GABBR2: variants seen among roughly 807,000 people sequenced by gnomAD.
GABBR2 encodes gamma-aminobutyric acid type B receptor subunit 2.
Under a neutral mutation model 105.6 loss-of-function variants are expected in GABBR2, and 23 were observed. That is an observed-to-expected ratio of 0.22 (90% CI 0.16 to 0.31). GABBR2 has a LOEUF of 0.31. Ranked by LOEUF, GABBR2 falls within the 10% of genes least tolerant of loss-of-function variation. GABBR2 has a pLI of 1.00. For missense variants in GABBR2, 734 were observed against 1,245.5 expected (o/e 0.59, Z 6.18); for synonymous variants, 478 against 499.7 (o/e 0.96, Z 0.58).
intron 17 of GABBR2, among the ~76,000 whole-genome samples, chr9:98,296,441 G>A (rs779286155): frequency 4.4e-4 from 67 of 152,184 alleles, no homozygotes; most frequent in Non-Finnish European, 3.5e-4. Context: ...CTAAGGCATG[G>A]AGAACAAATC....
chr9:98,521,376 G>C (rs1052912740), intron 3 of GABBR2, among the ~76,000 whole-genome samples: 2 of 152,166 alleles, frequency 1.3e-5, no homozygotes, highest in African/African-American at 4.8e-5. Flanking sequence ...GGGTGAGTAA[G>C]TACTGGAGGG....
chr9:98,387,127 A>G (rs1352362228), intron 10 of GABBR2, among the ~76,000 whole-genome samples: 2 of 152,136 alleles, frequency 1.3e-5, no homozygotes, highest in African/African-American at 4.8e-5. Context: ...GGTGGGCCTT[A>G]TAGGATGGAT....
At chr9:98,586,935 A>G (rs1366673932) in intron 1 of GABBR2, among the ~76,000 whole-genome samples, 1 of 152,214 alleles carries the variant, frequency 6.6e-6, no homozygotes, top group Admixed American at 6.5e-5. Flanking sequence ...GCCTCCTTGC[A>G]CACATATGAA....
At chr9:98,540,238 A>G (rs1296112598) in intron 3 of GABBR2, among the ~76,000 whole-genome samples, 3 of 152,204 alleles carry the variant, frequency 2.0e-5, no homozygotes, top group Non-Finnish European at 4.4e-5. Context: ...GGATACCCAC[A>G]GACAGTGGGG....
chr9:98,336,295 A>C (rs1014661303), intron 13 of GABBR2, among the ~76,000 whole-genome samples: 2 of 152,344 alleles, frequency 1.3e-5, no homozygotes, highest in Admixed American at 1.3e-4. Context: ...GAACTAGATG[A>C]AGTCAGATAT....
chr9:98,382,585 G>T (rs756669294), intron 11 of GABBR2, among the ~76,000 whole-genome samples: 1 of 152,178 alleles, frequency 6.6e-6, no homozygotes, highest in Non-Finnish European at 1.5e-5. Context: ...AAAGTGCTGG[G>T]ATTATAAGCA....
intron 7 of GABBR2, among the ~76,000 whole-genome samples, chr9:98,417,586 T>C (rs544904215): frequency 2.8e-4 from 42 of 152,296 alleles, no homozygotes; most frequent in Non-Finnish European, 5.0e-4. Flanking sequence ...AGTTTCCTCA[T>C]TGATAAAATG....
intron 13 of GABBR2, among the ~76,000 whole-genome samples, chr9:98,355,552 C>T (rs374127583): frequency 6.6e-6 from 1 of 152,078 alleles, no homozygotes; most frequent in African/African-American, 2.4e-5. Flanking sequence ...ATCCACAATA[C>T]TCTAATGAAA....
intron 6 of GABBR2, among the ~76,000 whole-genome samples, chr9:98,468,915 AGGGGAAG>A (rs1001701811): frequency 2.0e-5 from 3 of 152,136 alleles, no homozygotes; most frequent in Admixed American, 1.3e-4. Flanking sequence ...AGCATGGCAG[AGGGGAAG>A]GGGCGCTGAG....
chr9:98,374,992 C>T (rs1384212028), intron 11 of GABBR2, among the ~76,000 whole-genome samples: 1 of 152,130 alleles, frequency 6.6e-6, no homozygotes, highest in African/African-American at 2.4e-5. Flanking sequence ...TTCCTGCATA[C>T]AATCACCAGA....
At chr9:98,628,087 C>T (rs1023529446) in intron 1 of GABBR2, among the ~76,000 whole-genome samples, 6 of 152,116 alleles carry the variant, frequency 3.9e-5, no homozygotes, top group African/African-American at 9.7e-5. Flanking sequence ...CCTTAAGCAC[C>T]GTTACAAGTA....
intron 13 of GABBR2, among the ~76,000 whole-genome samples, chr9:98,348,391 G>T (rs1330636330): frequency 6.6e-6 from 1 of 152,134 alleles, no homozygotes; most frequent in African/African-American, 2.4e-5. Flanking sequence ...TATATCTTTT[G>T]CTCAGTATTG....
intron 2 of GABBR2, among the ~76,000 whole-genome samples, chr9:98,555,002 C>T (rs988068781): frequency 1.3e-5 from 2 of 152,204 alleles, no homozygotes; most frequent in African/African-American, 4.8e-5. Flanking sequence ...ACTTTGGGAA[C>T]TTCAGTCTCC....
At chr9:98,351,046 T>C (rs1429943041) in intron 13 of GABBR2, among the ~76,000 whole-genome samples, 1 of 152,228 alleles carries the variant, frequency 6.6e-6, no homozygotes, top group Non-Finnish European at 1.5e-5. Flanking sequence ...GATATTTGTA[T>C]AGCTAATTCT....
rs181009956 is a variant in GABBR2 at position 98,405,764 on chromosome 9, C to T, written c.1297+317G>A. On this transcript the variant is annotated intron_variant, in intron 8 of 18. Transcript: ENST00000259455. ...TTATACTCTATTGTTTAGGGAATAA[C>T]GACAAGAAAAAAAAGTCTGTATGTA... is the stretch of plus-strand genomic sequence containing the variant. Among the ~76,000 whole-genome samples, 25 of 152,038 alleles carry T rather than the reference C, an allele frequency of 1.6e-4. No individual in the cohort carries two copies. The East Asian group carries it at 1.9e-3, about 12-fold the overall frequency.
chr9:98,602,459 C>CAAAAA (rs796794572), intron 1 of GABBR2, among the ~76,000 whole-genome samples: 1 of 125,558 alleles, frequency 8.0e-6, no homozygotes, highest in South Asian at 2.7e-4. Flanking sequence ...GACTCTGTCT[C>CAAAAA]AAAAAAAAAA....
intron 13 of GABBR2, among the ~76,000 whole-genome samples, chr9:98,336,928 T>C (rs1021449548): frequency 2.6e-5 from 4 of 152,174 alleles, no homozygotes; most frequent in Non-Finnish European, 5.9e-5. Context: ...GAAAATGGAA[T>C]ATGAAGCATA....
intron 3 of GABBR2, among the ~76,000 whole-genome samples, chr9:98,514,074 A>G (rs1184000227): frequency 1.4e-5 from 2 of 147,166 alleles, no homozygotes. Context: ...CTATGCAGCT[A>G]TAAAAAATGA....
At chr9:98,650,979 A>C (rs146261768) in intron 1 of GABBR2, among the ~76,000 whole-genome samples, 31 of 152,306 alleles carry the variant, frequency 2.0e-4, no homozygotes, top group African/African-American at 6.7e-4. Context: ...GGAAAAGATT[A>C]TTGAGTAGTG....
Sources: allele counts gnomAD v4.1 joint callset (sites outside exome capture counted in the v4.1 genomes callset), GRCh38; gene constraint gnomAD v4.1.1; transcripts MANE v1.5; gene names NCBI Gene and HGNC (gene_info 2026-07-23, HGNC 2026-07-21).